Variants in CPQ observed in about 807,000 individuals in gnomAD.
The protein encoded by CPQ is Ser-Met dipeptidase.
CPQ carries 37 observed loss-of-function variants against 45.7 expected under a neutral mutation model. The ratio of observed to expected loss-of-function variants is 0.81; its 90% CI spans 0.62 to 1.07. CPQ has a LOEUF of 1.07. CPQ is among the 50% of genes least tolerant of loss of function. The pLI is 0.00. For missense variants in CPQ, 537 were observed against 572.9 expected (o/e 0.94, Z 0.64); for synonymous variants, 186 against 205.8 (o/e 0.90, Z 0.82).
At chr8:96,660,636 GGT>G (rs71267273) in intron 1 of CPQ, among the ~76,000 whole-genome samples, 11,517 of 149,080 alleles carry the variant, frequency 0.077, 437 homozygotes, top group Middle Eastern at 0.15. Context: ...GAATACATTT[GGT>G]GTGTGTGTGT....
chr8:96,731,226 C>G (rs1302131984), intron 1 of CPQ, among the ~76,000 whole-genome samples: 1 of 152,124 alleles, frequency 6.6e-6, no homozygotes, highest in Admixed American at 6.6e-5. Context: ...TATAAACTCT[C>G]TGAACCTCAG....
chr8:96,931,361 C>G (rs144026985), intron 4 of CPQ, among the ~76,000 whole-genome samples: 3 of 152,276 alleles, frequency 2.0e-5, no homozygotes, highest in East Asian at 1.9e-4. Context: ...AAGTTTTGGT[C>G]CTATAGTTCA....
At position 97,008,151 on chromosome 8, in the gene CPQ, T is replaced by C. The variant is rs557230843; in HGVS notation, c.962-21252T>C. Among the ~76,000 whole-genome samples the C allele has an allele frequency of 2.7e-5, 4 of 149,364 alleles. No homozygotes were observed. The East Asian group carries it at 7.9e-4, about 30-fold the overall frequency. On this transcript the variant is annotated intron_variant, in intron 5 of 7. Transcript: ENST00000220763. ...TGACCTCTTTATTTAAAAAAAAAAATCCATTTAATATCAGTTATCACTTGA... is the reference window on the plus strand; with the variant it reads ...TGACCTCTTTATTTAAAAAAAAAAACCCATTTAATATCAGTTATCACTTGA...
intron 5 of CPQ, among the ~76,000 whole-genome samples, chr8:97,026,001 T>C (rs1424094803): frequency 6.6e-6 from 1 of 152,188 alleles, no homozygotes; most frequent in Non-Finnish European, 1.5e-5. Flanking sequence ...TGAGGGAGCT[T>C]TTTGTACTGA....
intron 4 of CPQ, among the ~76,000 whole-genome samples, chr8:96,899,735 A>C (rs1812491091): frequency 6.9e-6 from 1 of 145,198 alleles, no homozygotes; most frequent in Non-Finnish European, 1.6e-5. Flanking sequence ...ACCAGGCCCC[A>C]CCTCCAGCAC....
chr8:97,083,480 T>G (rs1252774940), intron 7 of CPQ, among the ~76,000 whole-genome samples: 1 of 152,190 alleles, frequency 6.6e-6, no homozygotes, highest in East Asian at 1.9e-4. Flanking sequence ...ACTGGTTCAG[T>G]GTCCTTGTTT....
At chr8:96,701,562 G>T (rs1326658215) in intron 1 of CPQ, among the ~76,000 whole-genome samples, 1 of 151,576 alleles carries the variant, frequency 6.6e-6, no homozygotes, top group Admixed American at 6.6e-5. Context: ...AACTGGAAGC[G>T]CATACTAGAA....
At chr8:96,817,485 G>T (rs879699917) in intron 2 of CPQ, among the ~76,000 whole-genome samples, 3 of 152,104 alleles carry the variant, frequency 2.0e-5, no homozygotes, top group Non-Finnish European at 4.4e-5. Flanking sequence ...CTTTCCTCTG[G>T]ATTAGGCTTT....
intron 2 of CPQ, among the ~76,000 whole-genome samples, chr8:96,804,045 G>A (rs1258785677): frequency 6.6e-6 from 1 of 152,152 alleles, no homozygotes; most frequent in Non-Finnish European, 1.5e-5. Flanking sequence ...GGTTGAACAA[G>A]CCTTCAAAGA....
At chr8:97,122,986 A>AT (rs1563586963) in intron 7 of CPQ, among the ~76,000 whole-genome samples, 1 of 67,904 alleles carries the variant, frequency 1.5e-5, no homozygotes, top group East Asian at 4.0e-4. Context: ...TAAAATTAAA[A>AT]TAAAATAAAA....
intron 1 of CPQ, among the ~76,000 whole-genome samples, chr8:96,701,206 G>A (rs1411192135): frequency 6.6e-6 from 1 of 152,128 alleles, no homozygotes; most frequent in Non-Finnish European, 1.5e-5. Context: ...ATGATTTTTG[G>A]CAAATTACTT....
At chr8:97,071,290 T>C (rs1230308359) in intron 7 of CPQ, among the ~76,000 whole-genome samples, 1 of 152,140 alleles carries the variant, frequency 6.6e-6, no homozygotes, top group Non-Finnish European at 1.5e-5. Flanking sequence ...TACTGGAGAA[T>C]CAGTAGTAAG....
At chr8:96,863,791 T>C (rs549602739) in intron 3 of CPQ, among the ~76,000 whole-genome samples, 1 of 152,126 alleles carries the variant, frequency 6.6e-6, no homozygotes, top group East Asian at 1.9e-4. Flanking sequence ...AGTGACAGCA[T>C]TGCTAAGGAG....
intron 6 of CPQ, among the ~76,000 whole-genome samples, chr8:97,055,958 G>A (rs1054909985): frequency 2.6e-5 from 4 of 152,114 alleles, no homozygotes; most frequent in Admixed American, 6.6e-5. Context: ...AAAATTAGCT[G>A]GGCGTGGTGG....
At chr8:96,817,863 C>T (rs752362069) in intron 2 of CPQ, among the ~76,000 whole-genome samples, 1 of 152,088 alleles carries the variant, frequency 6.6e-6, no homozygotes, top group Non-Finnish European at 1.5e-5. Flanking sequence ...AATTCTCCTA[C>T]CTTGGCTTCC....
chr8:97,047,459 G>A (rs1315633313), intron 6 of CPQ, among the ~76,000 whole-genome samples: 2 of 152,226 alleles, frequency 1.3e-5, no homozygotes, highest in African/African-American at 4.8e-5. Context: ...AAGGTGCTTA[G>A]TTTAAAACAC....
intron 3 of CPQ, among the ~76,000 whole-genome samples, chr8:96,871,465 A>T (rs1812065821): frequency 6.6e-6 from 1 of 151,662 alleles, no homozygotes; most frequent in East Asian, 1.9e-4. Flanking sequence ...AGGTGCTCAA[A>T]TGCCTGGGAG....
chr8:97,051,598 A>G (rs1810363730), intron 6 of CPQ, among the ~76,000 whole-genome samples: 1 of 152,208 alleles, frequency 6.6e-6, no homozygotes, highest in African/African-American at 2.4e-5. Context: ...AGTAAAAATA[A>G]AGATGTAATT....
At chr8:96,694,615 A>G (rs982653135) in intron 1 of CPQ, among the ~76,000 whole-genome samples, 1 of 152,152 alleles carries the variant, frequency 6.6e-6, no homozygotes, top group Non-Finnish European at 1.5e-5. Flanking sequence ...AGTCAATAAC[A>G]AGAGGAACTT....
Sources: allele counts gnomAD v4.1 joint callset (sites outside exome capture counted in the v4.1 genomes callset), GRCh38; gene constraint gnomAD v4.1.1; transcripts MANE v1.5; gene names NCBI Gene and HGNC (gene_info 2026-07-23, HGNC 2026-07-21).